The following SHOC1 variants were observed in gnomAD, a reference collection of about 807,000 sequenced individuals.
The protein encoded by SHOC1 is protein shortage in chiasmata 1 ortholog.
A neutral mutation model predicts 179.2 loss-of-function variants in SHOC1; 136 were observed. The ratio of observed to expected loss-of-function variants is 0.76; its 90% CI spans 0.66 to 0.87. The LOEUF (loss-of-function observed/expected upper bound fraction) is 0.87, where lower values mean the gene tolerates loss of function less well. SHOC1 is among the 40% of genes least tolerant of loss of function. The pLI, the probability that SHOC1 is intolerant of heterozygous loss-of-function variation, is 0.00. For missense variants in SHOC1, 1,538 were observed against 1,700.8 expected (o/e 0.90, Z 1.68); for synonymous variants, 489 against 586.6 (o/e 0.83, Z 2.41).
rs1835002998 is a variant in SHOC1 at position 111,758,830 on chromosome 9, T to G, written c.461A>C (p.Lys154Thr). Residue 154 changes from lysine (K) to threonine (T), a missense_variant, in exon 6 of 28, where the codon AAA becomes ACA. Transcript: ENST00000682961. ...TCTACTACTTACAAAAAGTATTCCT[T>G]TATCATCAATAAATAAATCTGAAAA... is the stretch of plus-strand genomic sequence containing the variant. ...NQNQDLFIDD[K>T]GILFVSSRKH... is the part of the protein sequence containing the mutation. 6.6e-7 allele frequency: 1 copy of G among 1,522,640 alleles called. No individual in the cohort carries two copies. Among genetic ancestry groups the G allele is most frequent in the Admixed American group, 2.0e-5 (1 of 48,846 alleles). 94.3% of individuals were successfully genotyped at this position (1,522,640 alleles called of 1,614,324 possible).
At chr9:111,692,575 A>G in intron 26 of SHOC1, 64 bp from the exon 27 acceptor site, 1 of 1,279,654 alleles carries the variant, frequency 7.8e-7, no homozygotes, top group South Asian at 1.6e-5. Flanking sequence ...ATGCTTATCT[A>G]TATGGAAAGA....
At chr9:111,713,197 TATATGTGGATGATTATTC>T in intron 17 of SHOC1, 25 bp from the exon 18 acceptor site, 3 of 1,229,556 alleles carry the variant, frequency 2.4e-6, no homozygotes, top group Non-Finnish European at 3.5e-6. Context: ...AAATTTCATA[TATATGTGGATGATTATTC>T]TTTTTCACAG....
rs1470938749 is a variant in SHOC1, at chr9:111,703,966, C to T, written c.2882G>A (p.Gly961Asp). The T allele has an allele frequency of 1.3e-6, 2 of 1,598,184 alleles. No homozygotes were observed. Among genetic ancestry groups the T allele is most frequent in the South Asian group, 2.2e-5 (2 of 90,528 alleles). The change falls in exon 22 of 28, where the codon GGC becomes GAC. Residue 961 changes from glycine to aspartate, a missense_variant. Transcript: ENST00000682961. ...AAAGAGTTTCAATGACTCACTGCAG[C>T]CTCTCTCTACTAGTGAGATGTTATA... The part of the protein sequence containing the change: ...SNYNISLVER[G>D]CSESLKLFGS...
chr9:111,690,197 GTAGA>G (rs778778573), intron 27 of SHOC1, among the ~76,000 whole-genome samples: 10 of 152,188 alleles, frequency 6.6e-5, no homozygotes, highest in Non-Finnish European at 1.5e-4. Flanking sequence ...GCCAAGGCGG[GTAGA>G]TTACTTGAGC....
At chr9:111,787,277 A>G (rs1168448279) in intron 2 of SHOC1, among the ~76,000 whole-genome samples, 2 of 152,240 alleles carry the variant, frequency 1.3e-5, no homozygotes, top group Non-Finnish European at 2.9e-5. Context: ...TATAGCTGCC[A>G]TAGATGGTGA....
intron 3 of SHOC1, among the ~76,000 whole-genome samples, chr9:111,782,232 G>C (rs1836091714): frequency 1.3e-5 from 2 of 151,964 alleles, no homozygotes; most frequent in Non-Finnish European, 2.9e-5. Context: ...AAGAAAAAAA[G>C]TTTAGTGGTT....
intron 14 of SHOC1, 132 bp downstream of exon 14, chr9:111,723,660 T>C: frequency 6.6e-6 from 6 of 909,068 alleles, no homozygotes; most frequent in South Asian, 1.5e-5. Flanking sequence ...AACTTGAAAG[T>C]AGGAGTGGAA....
At chr9:111,775,226 C>T (rs541140737) in intron 5 of SHOC1, among the ~76,000 whole-genome samples, 35 of 152,114 alleles carry the variant, frequency 2.3e-4, no homozygotes, top group African/African-American at 8.4e-4. Context: ...AACTCTTGAC[C>T]TCAGGTGATC....
At chr9:111,749,415 A>G (rs755100806) in intron 8 of SHOC1, among the ~76,000 whole-genome samples, 4 of 152,178 alleles carry the variant, frequency 2.6e-5, no homozygotes, top group Non-Finnish European at 5.9e-5. Context: ...TATGCTTCCA[A>G]TGCCTTTTCC....
chr9:111,726,691 A>C (rs1192971554), intron 13 of SHOC1, among the ~76,000 whole-genome samples: 3 of 152,202 alleles, frequency 2.0e-5, no homozygotes, highest in Admixed American at 6.5e-5. Flanking sequence ...GTAAGACCTA[A>C]CTGTCTCTAA....
intron 5 of SHOC1, chr9:111,759,505 G>T: frequency 1.6e-6 from 2 of 1,216,850 alleles, no homozygotes; most frequent in Non-Finnish European, 1.0e-6. Flanking sequence ...GCCTTGTCTG[G>T]GTTTCTTTAG....
At chr9:111,724,973 C>A (rs1833231538) in intron 13 of SHOC1, among the ~76,000 whole-genome samples, 2 of 152,014 alleles carry the variant, frequency 1.3e-5, no homozygotes, top group Non-Finnish European at 2.9e-5. Flanking sequence ...AGGATTTCTT[C>A]TTTCCTAAGT....
At chr9:111,784,641 C>A (rs377610329) in intron 3 of SHOC1, among the ~76,000 whole-genome samples, 1 of 152,146 alleles carries the variant, frequency 6.6e-6, no homozygotes, top group Non-Finnish European at 1.5e-5. Flanking sequence ...CCACAATTGT[C>A]TTAGTCAGTC....
At chr9:111,778,120 A>C (rs141189992) in intron 4 of SHOC1, among the ~76,000 whole-genome samples, 4 of 152,300 alleles carry the variant, frequency 2.6e-5, no homozygotes, top group Admixed American at 2.0e-4. Flanking sequence ...AAGATCTATG[A>C]AGATCAGTGT....
intron 10 of SHOC1, among the ~76,000 whole-genome samples, chr9:111,743,405 C>T (rs1381707267): frequency 6.6e-6 from 1 of 152,136 alleles, no homozygotes; most frequent in South Asian, 2.1e-4. Flanking sequence ...CTGTTGCGAG[C>T]AGTGTGATGA....
chr9:111,718,403 G>GAGTGCTGGGCTCCTAGGGC, intron 15 of SHOC1, 115 bp from the exon 16 acceptor site: 1 of 558,352 alleles, frequency 1.8e-6, no homozygotes, highest in Non-Finnish European at 2.9e-6. Context: ...CTTACTATAT[G>GAGTGCTGGGCTCCTAGGGC]CCAGGCTGTA....
At chr9:111,777,528 C>T (rs1453876564) in intron 4 of SHOC1, among the ~76,000 whole-genome samples, 1 of 152,198 alleles carries the variant, frequency 6.6e-6, no homozygotes, top group Non-Finnish European at 1.5e-5. Context: ...TCCTCAGTTA[C>T]AATTTTTGCG....
At position 111,706,880 on chromosome 9, in the gene SHOC1, G is replaced by A. The variant is rs200687013; in HGVS notation, c.2559-134C>T. ...CCTCATCTTAGAAAGGCACTGGTGC[G>A]TTTTCTGTTGATTTGCTCTTCAATA... On this transcript the variant is annotated intron_variant, in intron 19 of 27. Transcript: ENST00000682961. 7.8e-4 allele frequency: 390 copies of A among 499,188 alleles called. 1 individual carries two copies. Among genetic ancestry groups the A allele is most frequent in the Middle Eastern group, 3.1e-3 (6 of 1,924 alleles). The allele number at this position is 499,188 out of a possible 1,614,324, so 30.9% of individuals were successfully genotyped here.
At chr9:111,738,566 A>C in intron 11 of SHOC1, 44 bp from the exon 12 acceptor site, 1 of 1,460,162 alleles carries the variant, frequency 6.8e-7, no homozygotes, top group South Asian at 1.5e-5. Context: ...CAGTCTACAA[A>C]GCAAAAGAAA....
Sources: allele counts gnomAD v4.1 joint callset (sites outside exome capture counted in the v4.1 genomes callset), GRCh38; gene constraint gnomAD v4.1.1; transcripts MANE v1.5; gene names NCBI Gene and HGNC (gene_info 2026-07-23, HGNC 2026-07-21).